POR: variants seen among roughly 807,000 people sequenced by gnomAD.
POR encodes the protein NADPH--cytochrome P450 reductase.
In POR, 56 loss-of-function variants were observed where a neutral mutation model predicts 84.0. The observed-to-expected ratio is 0.67, with a 90% CI of 0.54 to 0.83. The LOEUF is 0.83. Ranked by LOEUF, POR falls within the 40% of genes least tolerant of loss-of-function variation. The pLI, the probability that POR is intolerant of heterozygous loss-of-function variation, is 0.00. For missense variants in POR, 938 were observed against 944.3 expected (o/e 0.99, Z 0.09); for synonymous variants, 414 against 400.5 (o/e 1.03, Z -0.40).
intron 3 of POR, 124 bp downstream of exon 3, chr7:75,972,585 C>A: frequency 2.2e-6 from 2 of 907,590 alleles, no homozygotes; most frequent in Non-Finnish European, 3.5e-6. Flanking sequence ...AGAGGGAACG[C>A]AGCCCGGCTC....
In POR at chr7:75,986,334, C is replaced by T; in HGVS notation, c.1899-3C>T. ...GCCCCCAGCACCCCCTCTTCCTGCC[C>T]AGGGATGCACGGAACATGGCCAGGG... On this transcript the variant is annotated splice_polypyrimidine_tract_variant and splice_region_variant and intron_variant, in intron 15 of 15. Coordinates refer to ENST00000461988, the MANE Select transcript of POR (RefSeq NM_000941.3). The T allele has an allele frequency of 1.2e-6, 2 of 1,612,584 alleles. No individual in the cohort carries two copies. The highest frequency in any genetic ancestry group is 1.3e-5 in the African/African-American group (1 of 75,024).
Position 75,981,031 on chromosome 7 carries a change from C to T in POR, c.517-17C>T. 6.4e-7 allele frequency: 1 copy of T among 1,557,196 alleles called. No homozygotes were observed. The highest frequency in any genetic ancestry group is 8.7e-7 in the Non-Finnish European group (1 of 1,148,784). On this transcript the variant is annotated splice_polypyrimidine_tract_variant and intron_variant, in intron 5 of 15. Transcript: ENST00000461988. ...GGTCGAGGGCCAGGCCTCAGAGCGG[C>T]CCCTGTGTCCACGCAGGTGTTTGGT...
At chr7:75,954,278 C>G (rs1787585143) in intron 2 of POR, 98 bp downstream of exon 2, 3 of 1,283,302 alleles carry the variant, frequency 2.3e-6, no homozygotes, top group Non-Finnish European at 3.2e-6. Flanking sequence ...AAGCAAGGCT[C>G]CTTGTAGCAT....
At chr7:75,960,071 T>G (rs1264872915) in intron 2 of POR, among the ~76,000 whole-genome samples, 3 of 151,960 alleles carry the variant, frequency 2.0e-5, no homozygotes, top group Admixed American at 6.6e-5. Flanking sequence ...GGTGGATTGC[T>G]TTGAGCCCAG....
At chr7:75,972,321 A>G in intron 2 of POR, 92 bp from the exon 3 acceptor site, 3 of 1,164,670 alleles carry the variant, frequency 2.6e-6, no homozygotes, top group Non-Finnish European at 3.8e-6. Context: ...ACAGCATCCC[A>G]TGAAACCTGC....
rs148650806 is a variant in POR at position 75,983,210 on chromosome 7, G to A, written c.831-310G>A. 3.8e-3 allele frequency: 1,038 copies of A among 274,890 alleles called. 9 individuals are homozygous for A. Among genetic ancestry groups the A allele is most frequent in the African/African-American group, 0.021 (950 of 45,142 alleles). The allele number at this position is 274,890 out of a possible 1,614,324, so 17.0% of individuals were successfully genotyped here. The stretch of plus-strand genomic sequence containing the variant: ...ATAAAAGTTAACCAGGCATGGTGGC[G>A]AATGCCTGTAATTCCAGCTGCTCAG... On this transcript the variant is annotated intron_variant, in intron 8 of 15. Transcript: ENST00000461988.
At chr7:75,970,513 T>TA (rs1255748945) in intron 2 of POR, among the ~76,000 whole-genome samples, 3 of 151,770 alleles carry the variant, frequency 2.0e-5, no homozygotes, top group South Asian at 2.1e-4. Context: ...CCGGGCTAAT[T>TA]AAAAAAAATT....
chr7:75,978,023 C>T (rs574819493), intron 3 of POR, among the ~76,000 whole-genome samples: 11 of 152,212 alleles, frequency 7.2e-5, no homozygotes, highest in South Asian at 6.2e-4. Flanking sequence ...GGTGGACTGA[C>T]GAGTATGTGA....
At chr7:75,940,405 C>A (rs1180074548) in intron 1 of POR, among the ~76,000 whole-genome samples, 1 of 151,844 alleles carries the variant, frequency 6.6e-6, no homozygotes, top group Non-Finnish European at 1.5e-5. Context: ...TCTTAGATAT[C>A]ACGCTAACAA....
chr7:75,983,498 T>G, intron 8 of POR, 22 bp from the exon 9 acceptor site: 5 of 1,573,648 alleles, frequency 3.2e-6, no homozygotes, highest in Non-Finnish European at 4.4e-6. Flanking sequence ...CCGCTCACTG[T>G]GCTTCTCTCC....
intron 1 of POR, among the ~76,000 whole-genome samples, chr7:75,936,086 CTTTTTTTTTTTT>C (rs869164954): frequency 1.0e-5 from 1 of 99,790 alleles, no homozygotes. Context: ...TTCTTTCTTT[CTTTTTTTTTTTT>C]TTTTTTTTTT....
intron 1 of POR, among the ~76,000 whole-genome samples, chr7:75,926,159 C>T (rs911767059): frequency 3.8e-4 from 56 of 149,090 alleles, no homozygotes; most frequent in Admixed American, 4.7e-4. Context: ...CCATGCTTGG[C>T]GAGTTTTTCT....
At chr7:75,960,364 G>T in intron 2 of POR, among the ~76,000 whole-genome samples, 1 of 152,064 alleles carries the variant, frequency 6.6e-6, no homozygotes, top group Non-Finnish European at 1.5e-5. Flanking sequence ...CACTCAGGTT[G>T]CACCTCTGAA....
chr7:75,970,266 A>C (rs182553620), intron 2 of POR, among the ~76,000 whole-genome samples: 1 of 152,156 alleles, frequency 6.6e-6, no homozygotes, highest in Admixed American at 6.5e-5. Context: ...GTCGGGCCCC[A>C]CATGTACCAC....
chr7:75,985,095 ACATCCTGGCCAT>A lies in POR; in HGVS notation c.1288_1299del (p.Ile430_Ile433del), dbSNP rs1554558892. 1 of 1,599,774 alleles carries A rather than the reference ACATCCTGGCCAT, an allele frequency of 6.3e-7. No individual in the cohort carries two copies. Among genetic ancestry groups the A allele is most frequent in the Non-Finnish European group, 8.5e-7 (1 of 1,179,420 alleles). On this transcript the variant is annotated inframe_deletion, in exon 12 of 16. Coordinates refer to ENST00000461988, the MANE Select transcript of POR (RefSeq NM_000941.3). The stretch of plus-strand genomic sequence containing the variant: ...AGCTGGGTGGTGGAGGCCCGGAGGC[ACATCCTGGCCAT>A]CCTGCAGGACTGCCCGTCCCTGCGG...
rs782796836 is a variant in POR, at chr7:75,972,450, A to G, written c.226A>G (p.Met76Val). The G allele has an allele frequency of 5.0e-6, 8 of 1,608,006 alleles. No homozygotes were observed. The highest frequency in any genetic ancestry group is 6.8e-6 in the Non-Finnish European group (8 of 1,177,320). ...CAGAGAGAGCAGCTTTGTGGAAAAG[A>G]TGAAGAAAACGGTGAGTTTCCTGCA... is the stretch of plus-strand genomic sequence containing the variant. Residue 76 changes from methionine to valine, a missense_variant, in exon 3 of 16, where the codon ATG becomes GTG. Physicochemically the swap from Met to Val is conservative, Grantham distance 21 (BLOSUM62 1). Coordinates refer to ENST00000461988, the MANE Select transcript of POR (RefSeq NM_000941.3).
Position 75,979,577 on chromosome 7 carries a change from C to T in POR, c.364C>T (p.Leu122=). 2.5e-6 allele frequency: 4 copies of T among 1,613,176 alleles called. No homozygotes were observed. The highest frequency in any genetic ancestry group is 3.4e-6 in the Non-Finnish European group (4 of 1,179,758). The change falls in exon 4 of 16, where the codon CTG becomes TTG. Residue 122 remains leucine (L), a splice_region_variant and synonymous_variant. Coordinates refer to ENST00000461988, the MANE Select transcript of POR (RefSeq NM_000941.3). ...GTCAGCGGACCCTGAGGAGTATGAC[C>T]TGGTAAGCTGCCACCGCGTGCTGGC...
At chr7:75,961,172 G>A (rs1787919942) in intron 2 of POR, among the ~76,000 whole-genome samples, 2 of 151,466 alleles carry the variant, frequency 1.3e-5, no homozygotes, top group South Asian at 4.1e-4. Flanking sequence ...GGTGGAAGTT[G>A]CAGTGAGCTG....
intron 1 of POR, among the ~76,000 whole-genome samples, chr7:75,948,925 T>C (rs556018852): frequency 6.6e-6 from 1 of 152,260 alleles, no homozygotes; most frequent in South Asian, 2.1e-4. Flanking sequence ...GCAAAGTTTC[T>C]CTGAGATGGT....
Sources: gnomAD v4.1 joint callset for allele counts (sites outside exome capture counted in the v4.1 genomes callset) on GRCh38, gnomAD v4.1.1 for gene constraint, MANE v1.5 for transcripts, NCBI Gene and HGNC (gene_info 2026-07-23, HGNC 2026-07-21) for gene names.